Variants in SETBP1 observed in about 807,000 individuals in gnomAD.
SETBP1 encodes SET-binding protein.
A neutral mutation model predicts 101.0 loss-of-function variants in SETBP1; 9 were observed. The ratio of observed to expected loss-of-function variants is 0.09; its 90% CI spans 0.05 to 0.16. The LOEUF is 0.16. Ranked by LOEUF, SETBP1 falls within the 10% of genes least tolerant of loss-of-function variation. The pLI is 1.00. For synonymous variants in SETBP1, 818 were observed against 788.5 expected (o/e 1.04, Z -0.63); for missense variants, 1,858 against 2,033.8 (o/e 0.91, Z 1.66).
At chr18:44,712,844 G>A (rs1311832044) in intron 2 of SETBP1, among the ~76,000 whole-genome samples, 2 of 151,788 alleles carry the variant, frequency 1.3e-5, no homozygotes, top group East Asian at 1.9e-4. Flanking sequence ...GACAACAGAA[G>A]CTCTGTGTCA....
At chr18:44,954,431 A>G (rs1486180513) in intron 4 of SETBP1, among the ~76,000 whole-genome samples, 1 of 151,094 alleles carries the variant, frequency 6.6e-6, no homozygotes, top group East Asian at 1.9e-4. Context: ...CCAATCATCC[A>G]TGTTTAAGGT....
intron 4 of SETBP1, among the ~76,000 whole-genome samples, chr18:44,981,079 T>A (rs990391113): frequency 6.6e-6 from 1 of 152,222 alleles, no homozygotes; most frequent in Non-Finnish European, 1.5e-5. Context: ...ACCTATTAAA[T>A]GAGAACCTCT....
chr18:44,774,915 T>C (rs949992813), intron 2 of SETBP1, among the ~76,000 whole-genome samples: 8 of 151,274 alleles, frequency 5.3e-5, no homozygotes, highest in Non-Finnish European at 7.4e-5. Context: ...TTTTTTTTTT[T>C]CCTTTTTCTT....
intron 3 of SETBP1, among the ~76,000 whole-genome samples, chr18:44,926,993 C>T (rs2070720755): frequency 6.6e-6 from 1 of 152,074 alleles, no homozygotes; most frequent in Non-Finnish European, 1.5e-5. Flanking sequence ...GATGGAAGGG[C>T]TACTGTCAGG....
chr18:44,919,373 G>GTTTTATATTT, intron 3 of SETBP1, among the ~76,000 whole-genome samples: 1 of 145,538 alleles, frequency 6.9e-6, no homozygotes. Flanking sequence ...TGGAGACAGA[G>GTTTTATATTT]TCTCACTCTG....
intron 2 of SETBP1, among the ~76,000 whole-genome samples, chr18:44,736,155 C>T (rs552584592): frequency 6.6e-6 from 1 of 152,252 alleles, no homozygotes; most frequent in South Asian, 2.1e-4. Flanking sequence ...GAGGCCAAGG[C>T]AGGAGAATCG....
At chr18:44,700,410 A>G (rs887229990) in intron 1 of SETBP1, among the ~76,000 whole-genome samples, 3 of 152,172 alleles carry the variant, frequency 2.0e-5, no homozygotes, top group African/African-American at 7.2e-5. Flanking sequence ...AGGGAATTAC[A>G]ACTGTCTAGA....
intron 3 of SETBP1, among the ~76,000 whole-genome samples, chr18:44,897,594 G>A (rs1168444267): frequency 6.6e-6 from 1 of 152,168 alleles, no homozygotes; most frequent in Non-Finnish European, 1.5e-5. Flanking sequence ...ATTGAGTTGT[G>A]TGGGAAACAC....
intron 3 of SETBP1, among the ~76,000 whole-genome samples, chr18:44,886,506 G>A (rs2069651526): frequency 6.6e-6 from 1 of 151,940 alleles, no homozygotes; most frequent in South Asian, 2.1e-4. Flanking sequence ...ATTTTTCCTA[G>A]TTGGATAGTG....
intron 2 of SETBP1, among the ~76,000 whole-genome samples, chr18:44,738,554 A>T (rs1251161477): frequency 1.4e-4 from 21 of 152,162 alleles, no homozygotes. Context: ...CAGGCAGATC[A>T]CCTGAGGTTA....
At chr18:45,016,403 G>T (rs560341750) in intron 4 of SETBP1, among the ~76,000 whole-genome samples, 20 of 152,076 alleles carry the variant, frequency 1.3e-4, no homozygotes, top group Non-Finnish European at 2.5e-4. Flanking sequence ...AAAGTGGTGG[G>T]GGAGAGTGTG....
chr18:44,771,950 G>A (rs2070884138), intron 2 of SETBP1, among the ~76,000 whole-genome samples: 1 of 152,210 alleles, frequency 6.6e-6, no homozygotes, highest in African/African-American at 2.4e-5. Flanking sequence ...TACGATTCCA[G>A]GAAGAGAGTT....
At chr18:44,999,732 T>A (rs1174656493) in intron 4 of SETBP1, among the ~76,000 whole-genome samples, 2 of 152,196 alleles carry the variant, frequency 1.3e-5, no homozygotes, top group East Asian at 3.8e-4. Flanking sequence ...TCATACCAGT[T>A]GATTCAATTT....
intron 4 of SETBP1, among the ~76,000 whole-genome samples, chr18:44,969,904 G>A (rs1171130749): frequency 2.0e-5 from 3 of 152,158 alleles, no homozygotes; most frequent in Non-Finnish European, 4.4e-5. Context: ...GGCCTTAGGT[G>A]TAGGTGCACC....
intron 3 of SETBP1, among the ~76,000 whole-genome samples, chr18:44,930,680 C>G (rs377427883): frequency 1.3e-5 from 2 of 151,996 alleles, no homozygotes; most frequent in South Asian, 2.1e-4. Flanking sequence ...TGTATGTGTC[C>G]AGGAATTTAT....
In SETBP1 at chr18:44,979,930, A is replaced by G. The variant is rs1407694590; in HGVS notation, c.4000+26590A>G. On this transcript the variant is annotated intron_variant, in intron 4 of 5. Transcript: ENST00000649279. ...CTTAATAACTAAGTTCATGTGTTTG[A>G]AAACCCATGTGGATGTAAATTTGGA... 2.0e-5 allele frequency among the ~76,000 whole-genome samples: 3 copies of G among 152,258 alleles called. No homozygotes were observed. In the East Asian group the frequency reaches 5.8e-4, roughly 29 times the overall value.
intron 4 of SETBP1, among the ~76,000 whole-genome samples, chr18:45,032,951 A>C (rs946731621): frequency 6.6e-6 from 1 of 152,176 alleles, no homozygotes; most frequent in African/African-American, 2.4e-5. Context: ...AATCTTGGGG[A>C]AAAGGGCCTT....
intron 4 of SETBP1, among the ~76,000 whole-genome samples, chr18:45,023,768 C>T (rs72896829): frequency 0.045 from 6,875 of 152,274 alleles, 176 homozygotes; most frequent in South Asian, 0.095. Flanking sequence ...TTGTTCCTGG[C>T]TAGCCTGTTC....
intron 2 of SETBP1, among the ~76,000 whole-genome samples, chr18:44,742,763 C>G (rs1018527971): frequency 6.6e-6 from 1 of 152,178 alleles, no homozygotes; most frequent in Non-Finnish European, 1.5e-5. Context: ...CCAGGGCCCT[C>G]TGCTAGAGCT....
Sources: gnomAD v4.1 joint callset for allele counts (sites outside exome capture counted in the v4.1 genomes callset) on GRCh38, gnomAD v4.1.1 for gene constraint, MANE v1.5 for transcripts, NCBI Gene and HGNC (gene_info 2026-07-23, HGNC 2026-07-21) for gene names.